STAB2: variants seen among roughly 807,000 people sequenced by gnomAD.
The protein encoded by STAB2 is stabilin-2.
STAB2 carries 288 observed loss-of-function variants against 338.1 expected under a neutral mutation model. That is an observed-to-expected ratio of 0.85 (90% CI 0.77 to 0.94). The LOEUF is 0.94. STAB2 is among the 40% of genes least tolerant of loss of function. The probability of loss-of-function intolerance (pLI) is 0.00; values close to 1 mark genes in which losing one functional copy is unlikely to be tolerated. For missense variants in STAB2, 3,141 were observed against 3,210.1 expected (o/e 0.98, Z 0.52); for synonymous variants, 1,202 against 1,193.3 (o/e 1.01, Z -0.15).
intron 9 of STAB2, among the ~76,000 whole-genome samples, chr12:103,640,547 G>A (rs1013309762): frequency 6.6e-6 from 1 of 152,298 alleles, no homozygotes; most frequent in Middle Eastern, 3.4e-3. Flanking sequence ...ACTGCGACTG[G>A]GGAAACAAAT....
intron 25 of STAB2, among the ~76,000 whole-genome samples, chr12:103,682,809 G>A (rs1327460442): frequency 3.9e-5 from 6 of 152,242 alleles, no homozygotes; most frequent in East Asian, 3.9e-4. Flanking sequence ...TTAGCCAGGC[G>A]TGGTGGCACG....
intron 5 of STAB2, among the ~76,000 whole-genome samples, chr12:103,629,267 G>A (rs1256841205): frequency 6.6e-6 from 1 of 152,182 alleles, no homozygotes; most frequent in Non-Finnish European, 1.5e-5. Context: ...TGGAGGAAAA[G>A]ACAAAAACTA....
intron 3 of STAB2, among the ~76,000 whole-genome samples, chr12:103,596,557 A>G (rs1420695261): frequency 6.6e-6 from 1 of 152,366 alleles, no homozygotes; most frequent in Admixed American, 6.5e-5. Context: ...GGCAAAGTCT[A>G]TGACAAAAAG....
chr12:103,692,762 A>G, intron 30 of STAB2, 50 bp from the exon 31 acceptor site: 1 of 1,496,304 alleles, frequency 6.7e-7, no homozygotes, highest in Non-Finnish European at 9.3e-7. Context: ...TCTCAATCCC[A>G]AGGTGCGCTC....
Position 103,731,673 on chromosome 12 carries a change from G to T in STAB2, c.5283+38G>T, listed in dbSNP as rs1402425872. ...GGGAAGTTGACTCAGAGGATAACCT[G>T]CCTAAAGAAGTTTTGTTTTGTTTGT... On this transcript the variant is annotated intron_variant, in intron 50 of 68. Coordinates refer to ENST00000388887, the MANE Select transcript of STAB2 (RefSeq NM_017564.10). 4.4e-6 allele frequency: 7 copies of T among 1,583,290 alleles called. No homozygotes were observed. In the African/African-American group the frequency reaches 6.8e-5, roughly 15 times the overall value.
At position 103,725,061 on chromosome 12, in the gene STAB2, A is replaced by C; in HGVS notation, c.4770A>C (p.Gly1590=). The change falls in exon 45 of 69, where the codon GGA becomes GGC. Residue 1590 remains glycine, a synonymous_variant. Coordinates refer to ENST00000388887, the MANE Select transcript of STAB2 (RefSeq NM_017564.10). ...RTCTCKPNYI[G]DGFTCRGSIY... ...GTACTTGCAAGCCAAACTACATTGG[A>C]GATGGATTTACCTGCCGCGGCAGCA... 1 of 1,613,556 alleles carries C rather than the reference A, an allele frequency of 6.2e-7. No homozygotes were observed. The highest frequency in any genetic ancestry group is 1.1e-5 in the South Asian group (1 of 91,060).
intron 42 of STAB2, 93 bp downstream of exon 42, chr12:103,713,861 C>A: frequency 6.5e-7 from 1 of 1,550,258 alleles, no homozygotes. Context: ...TATCAGGACA[C>A]AAAACTGAGG....
chr12:103,617,178 T>G (rs1183861749), intron 3 of STAB2, among the ~76,000 whole-genome samples: 1 of 152,196 alleles, frequency 6.6e-6, no homozygotes, highest in Non-Finnish European at 1.5e-5. Context: ...TGACAACCCT[T>G]ATCCCAGTCC....
chr12:103,765,767 C>CCGG (rs1884905558), intron 68 of STAB2, among the ~76,000 whole-genome samples: 1 of 152,080 alleles, frequency 6.6e-6, no homozygotes, highest in Non-Finnish European at 1.5e-5. Context: ...ATCTCGAACT[C>CCGG]CTGAGCTCAA....
chr12:103,724,879 A>G (rs1299753188), intron 44 of STAB2, 96 bp from the exon 45 acceptor site: 1 of 1,561,256 alleles, frequency 6.4e-7, no homozygotes, highest in Non-Finnish European at 8.7e-7. Flanking sequence ...TGAGACAAAA[A>G]ATGAATTCAA....
intron 56 of STAB2, 93 bp from the exon 57 acceptor site, chr12:103,745,080 C>A: frequency 9.1e-7 from 1 of 1,093,560 alleles, no homozygotes; most frequent in Non-Finnish European, 1.3e-6. Context: ...TGGTGCCTCC[C>A]ACAACTGAAA....
intron 57 of STAB2, 97 bp downstream of exon 57, chr12:103,745,374 A>G: frequency 1.8e-6 from 2 of 1,105,624 alleles, no homozygotes; most frequent in Non-Finnish European, 2.5e-6. Context: ...TGACATCTGA[A>G]AAAAGTGACA....
In STAB2 at chr12:103,640,193, G is replaced by C. The variant is rs1199457231; in HGVS notation, c.977G>C (p.Cys326Ser). ...PGVGCSMTDI[C>S]KSDNPCHRNA... ...GTGGGGTGCAGTATGACTGATATATGTAAATCAGATAACCCGTGTCATAGG... is the reference window on the plus strand; with the variant it reads ...GTGGGGTGCAGTATGACTGATATATCTAAATCAGATAACCCGTGTCATAGG... The change falls in exon 9 of 69, where the codon TGT (cysteine) becomes TCT (serine). Residue 326 changes from cysteine to serine, a missense_variant. Physicochemically the swap from Cys to Ser is moderately radical, Grantham distance 112 (BLOSUM62 -1). Transcript: ENST00000388887. The C allele has an allele frequency of 1.2e-6, 2 of 1,613,914 alleles. No individual in the cohort carries two copies. The highest frequency in any genetic ancestry group is 1.7e-6 in the Non-Finnish European group (2 of 1,179,856).
chr12:103,681,486 C>T lies in STAB2; in HGVS notation c.2806-1719C>T, dbSNP rs545336811. Among the ~76,000 whole-genome samples, 5 of 152,234 alleles carry T rather than the reference C, an allele frequency of 3.3e-5. No homozygotes were observed. In the East Asian group the frequency reaches 9.6e-4, roughly 29 times the overall value. On this transcript the variant is annotated intron_variant, in intron 25 of 68. Transcript: ENST00000388887. ...GAAGAAGCTGTTCCATGCCTCTCTC[C>T]TAATTTCAGGTGCTTTGCTGAAAAT...
At chr12:103,660,621 A>G in intron 16 of STAB2, 62 bp from the exon 17 acceptor site, 3 of 1,560,798 alleles carry the variant, frequency 1.9e-6, no homozygotes, top group Non-Finnish European at 2.6e-6. Context: ...GAGGACTTTA[A>G]GAACTCAGGG....
intron 2 of STAB2, among the ~76,000 whole-genome samples, chr12:103,593,344 T>G (rs528553440): frequency 6.6e-6 from 1 of 152,242 alleles, no homozygotes; most frequent in African/African-American, 2.4e-5. Context: ...TTTTGTTTCA[T>G]GCTTTTTATA....
At position 103,724,998 on chromosome 12, in the gene STAB2, T is replaced by C; in HGVS notation, c.4707T>C (p.Phe1569=). 1 of 1,614,012 alleles carries C rather than the reference T, an allele frequency of 6.2e-7. No individual in the cohort carries two copies. The highest frequency in any genetic ancestry group is 8.5e-7 in the Non-Finnish European group (1 of 1,179,856). ...CLTKNGGCSE[F]AICNHTGQVE... is the part of the protein sequence containing the mutation. ...AGAAAAATGGCGGCTGTAGTGAATTTGCCATCTGCAACCACACTGGGCAAG... is the reference window on the plus strand; with the variant it reads ...AGAAAAATGGCGGCTGTAGTGAATTCGCCATCTGCAACCACACTGGGCAAG... The change falls in exon 45 of 69, where the codon TTT becomes TTC. Residue 1569 remains phenylalanine (F), a synonymous_variant. Coordinates refer to ENST00000388887, the MANE Select transcript of STAB2 (RefSeq NM_017564.10).
At position 103,655,685 on chromosome 12, in the gene STAB2, TG is replaced by T. The variant is rs1028174992; in HGVS notation, c.1734+105del. The stretch of plus-strand genomic sequence containing the variant: ...CTAGAGATAGTAAATAAGTTGTACA[TG>T]TATCACCACCTACCCTCCAACAACC... On this transcript the variant is annotated intron_variant, in intron 15 of 68. Coordinates refer to ENST00000388887, the MANE Select transcript of STAB2 (RefSeq NM_017564.10). 2.1e-6 allele frequency: 3 copies of T among 1,415,070 alleles called. No individual in the cohort carries two copies. In the African/African-American group the frequency reaches 4.3e-5, roughly 20 times the overall value. The allele number at this position is 1,415,070 out of a possible 1,614,324, so 87.7% of individuals were successfully genotyped here. A position where few individuals can be genotyped will look rare whatever the true frequency, so the allele number is the denominator to read the frequency against.
intron 9 of STAB2, among the ~76,000 whole-genome samples, chr12:103,644,516 A>C (rs1873186604): frequency 3.3e-5 from 5 of 150,448 alleles, no homozygotes; most frequent in Admixed American, 3.3e-4. Context: ...AGAAACACCC[A>C]AGAATGATCA....
Sources: allele counts gnomAD v4.1 joint callset (sites outside exome capture counted in the v4.1 genomes callset), GRCh38; gene constraint gnomAD v4.1.1; transcripts MANE v1.5; gene names NCBI Gene and HGNC (gene_info 2026-07-23, HGNC 2026-07-21).